PHF11: variants seen among roughly 807,000 people sequenced by gnomAD.
PHF11 encodes BRCA1 C-terminus-associated protein.
PHF11 carries 38 observed loss-of-function variants against 40.5 expected under a neutral mutation model. That is an observed-to-expected ratio of 0.94 (90% CI 0.72 to 1.23). The LOEUF (loss-of-function observed/expected upper bound fraction) is 1.23. Ranked by LOEUF, PHF11 falls within the 50% of genes most tolerant of loss-of-function variation. PHF11 has a pLI of 0.00. For missense variants in PHF11, 369 were observed against 392.4 expected (o/e 0.94, Z 0.50); for synonymous variants, 127 against 138.2 (o/e 0.92, Z 0.57).
intron 5 of PHF11, chr13:49,521,524 C>T (rs1248504015): frequency 1.4e-5 from 14 of 978,452 alleles, no homozygotes; most frequent in Non-Finnish European, 1.7e-5. Context: ...CCAAATAGCA[C>T]CTCTACAATC....
intron 9 of PHF11, chr13:49,527,133 G>A (rs1014881495): frequency 9.9e-5 from 15 of 152,106 alleles, no homozygotes; most frequent in Admixed American, 6.5e-4. Context: ...AGAAAATCTC[G>A]TTTGGTTTGG....
chr13:49,506,740 C>T lies in PHF11; in HGVS notation c.200C>T (p.Ala67Val), dbSNP rs758603988. Residue 67 changes from alanine (A) to valine (V), a missense_variant, in exon 2 of 10, where the codon GCT becomes GTT. Physicochemically the swap from Ala to Val is moderately conservative, Grantham distance 64. Coordinates refer to ENST00000378319, the MANE Select transcript of PHF11 (RefSeq NM_001040443.3). Reference sequence around the variant, plus strand: ...TTTGCACAATCAGAGAATATAGCTGCTCATGAGAATTGTTTGGTAAGTTAC... The same window carrying T: ...TTTGCACAATCAGAGAATATAGCTGTTCATGAGAATTGTTTGGTAAGTTAC... ...LYFAQSENIA[A>V]HENCLLYSSG... 1.1e-5 allele frequency: 18 copies of T among 1,607,460 alleles called. No individual in the cohort carries two copies. The highest frequency in any genetic ancestry group is 2.2e-5 in the South Asian group (2 of 90,684).
chr13:49,525,750 T>C (rs1368892312), intron 8 of PHF11: 1 of 453,098 alleles, frequency 2.2e-6, no homozygotes, highest in African/African-American at 2.0e-5. Flanking sequence ...TATTATACTA[T>C]TTTATTCATT....
Position 49,511,327 on chromosome 13 carries a change from C to CTTTTT in PHF11, c.217-1720_217-1716dup, listed in dbSNP as rs10627347. 4.8e-5 allele frequency among the ~76,000 whole-genome samples: 6 copies of CTTTTT among 125,872 alleles called. 1 individual carries two copies. Among genetic ancestry groups the CTTTTT allele is most frequent in the South Asian group, 2.5e-4 (1 of 4,038 alleles). The allele number at this position is 125,872 out of a possible 152,430, so 82.6% of individuals were successfully genotyped here. A position where few individuals can be genotyped will look rare whatever the true frequency, so the allele number is the denominator to read the frequency against. On this transcript the variant is annotated intron_variant, in intron 2 of 9. Transcript: ENST00000378319. ...TCATAATTTCAAAATTGTTCAATGGCTTTTTTTTTTTTTTTTGAGACGGAG... is the reference window on the plus strand; with the variant it reads ...TCATAATTTCAAAATTGTTCAATGGCTTTTTTTTTTTTTTTTTTTTTGAGACGGAG...
intron 2 of PHF11, among the ~76,000 whole-genome samples, chr13:49,509,784 G>C (rs953516155): frequency 6.6e-6 from 1 of 152,136 alleles, no homozygotes; most frequent in African/African-American, 2.4e-5. Flanking sequence ...CTTCTTCCGT[G>C]ATTGTGAGGC....
intron 8 of PHF11, among the ~76,000 whole-genome samples, chr13:49,525,248 TTTTG>T (rs772147187): frequency 7.2e-5 from 11 of 152,100 alleles, no homozygotes; most frequent in Admixed American, 2.6e-4. Flanking sequence ...CTACTTAGCT[TTTTG>T]TTTGTTTGTT....
chr13:49,500,719 G>T (rs908270128), intron 1 of PHF11, among the ~76,000 whole-genome samples: 8 of 151,188 alleles, frequency 5.3e-5, no homozygotes, highest in Admixed American at 6.6e-5. Flanking sequence ...CAAACTCTGG[G>T]TCTAGCACAG....
At position 49,506,656 on chromosome 13, in the gene PHF11, A is replaced by C; in HGVS notation, c.116A>C (p.Lys39Thr). The change falls in exon 2 of 10, where the codon AAG becomes ACG. Residue 39 changes from lysine to threonine, a missense_variant. Physicochemically the swap from Lys to Thr is moderately conservative, Grantham distance 78. Transcript: ENST00000378319. ...LPTGVFQVAE[K>T]MEKRTCALCP... ...ATAGGTGTCTTTCAGGTTGCAGAAA[A>C]GATGGAAAAAAGGACATGTGCACTC... 4 of 1,613,322 alleles carry C rather than the reference A, an allele frequency of 2.5e-6. No individual in the cohort carries two copies. Among genetic ancestry groups the C allele is most frequent in the Non-Finnish European group, 3.4e-6 (4 of 1,179,486 alleles).
In PHF11 at chr13:49,519,042, A is replaced by G. The variant is rs539562807; in HGVS notation, c.458+891A>G. Among the ~76,000 whole-genome samples, 194 of 151,984 alleles carry G rather than the reference A, an allele frequency of 1.3e-3. 1 individual carries two copies. Among genetic ancestry groups the G allele is most frequent in the African/African-American group, 2.0e-3 (85 of 41,472 alleles). The stretch of plus-strand genomic sequence containing the variant: ...AGTAGAGACGGGGTTTCACCGTGTT[A>G]GCCAGGATGGTCTCAATCTCCTGAC... On this transcript the variant is annotated intron_variant, in intron 4 of 9. Transcript: ENST00000378319.
intron 3 of PHF11, among the ~76,000 whole-genome samples, chr13:49,514,129 C>T (rs975129380): frequency 6.6e-5 from 10 of 152,120 alleles, no homozygotes; most frequent in African/African-American, 2.2e-4. Flanking sequence ...CTTATTGCAG[C>T]GACATCCTCT....
intron 8 of PHF11, among the ~76,000 whole-genome samples, chr13:49,525,324 T>G (rs1959230382): frequency 6.6e-6 from 1 of 152,218 alleles, no homozygotes. Context: ...CTCAGCTCAT[T>G]GCAACCTCTG....
chr13:49,500,516 C>A (rs1428287479), intron 1 of PHF11, among the ~76,000 whole-genome samples: 2 of 152,028 alleles, frequency 1.3e-5, no homozygotes, highest in African/African-American at 4.8e-5. Flanking sequence ...GTGAGAGATG[C>A]CTGTGTAAAA....
At chr13:49,507,655 T>C (rs924717540) in intron 2 of PHF11, among the ~76,000 whole-genome samples, 18 of 152,236 alleles carry the variant, frequency 1.2e-4, no homozygotes, top group Admixed American at 5.2e-4. Flanking sequence ...ACCTTAAACA[T>C]GTTCAGGACA....
At chr13:49,525,223 T>A (rs1169917908) in intron 8 of PHF11, among the ~76,000 whole-genome samples, 1 of 152,206 alleles carries the variant, frequency 6.6e-6, no homozygotes, top group Non-Finnish European at 1.5e-5. Flanking sequence ...TCCATTTGTA[T>A]GTGCAGGTAT....
intron 8 of PHF11, 84 bp downstream of exon 8, chr13:49,524,300 A>G: frequency 1.8e-6 from 2 of 1,130,924 alleles, no homozygotes; most frequent in Non-Finnish European, 2.5e-6. Flanking sequence ...GAAAAAAAAA[A>G]AGGCCCATTT....
At chr13:49,506,778 T>C (rs753668671) in intron 2 of PHF11, 22 bp downstream of exon 2, 13 of 1,582,968 alleles carry the variant, frequency 8.2e-6, no homozygotes, top group Non-Finnish European at 8.7e-7. Context: ...GAAAACATAC[T>C]TCAAAGTACA....
At chr13:49,496,417 T>C in intron 1 of PHF11, 2 of 1,086,734 alleles carry the variant, frequency 1.8e-6, no homozygotes, top group South Asian at 8.9e-5. Context: ...CCACAACCGA[T>C]GTCAACTCTC....
chr13:49,506,570 G>C, intron 1 of PHF11, 65 bp from the exon 2 acceptor site: 1 of 1,476,026 alleles, frequency 6.8e-7, no homozygotes, highest in Non-Finnish European at 9.4e-7. Flanking sequence ...TTGAAGACTG[G>C]AAGAGGAGTT....
intron 3 of PHF11, among the ~76,000 whole-genome samples, chr13:49,514,350 A>T (rs1364139506): frequency 1.3e-5 from 2 of 152,214 alleles, no homozygotes; most frequent in Non-Finnish European, 2.9e-5. Context: ...AATCGAAGAA[A>T]TGGAAAGTGC....
Sources: allele counts gnomAD v4.1 joint callset (sites outside exome capture counted in the v4.1 genomes callset), GRCh38; gene constraint gnomAD v4.1.1; transcripts MANE v1.5; gene names NCBI Gene and HGNC (gene_info 2026-07-23, HGNC 2026-07-21).